STRIP2: variants seen among roughly 807,000 people sequenced by gnomAD.
STRIP2 encodes striatin-interacting protein 2.
A neutral mutation model predicts 107.1 loss-of-function variants in STRIP2; 84 were observed. That is an observed-to-expected ratio of 0.78 (90% CI 0.66 to 0.94). STRIP2 has a LOEUF of 0.94. Ranked by LOEUF, STRIP2 falls within the 40% of genes least tolerant of loss-of-function variation. The probability of loss-of-function intolerance (pLI) is 0.00; values close to 1 mark genes in which losing one functional copy is unlikely to be tolerated. For synonymous variants in STRIP2, 394 were observed against 400.4 expected (o/e 0.98, Z 0.19); for missense variants, 888 against 1,034.2 (o/e 0.86, Z 1.94).
At chr7:129,455,119 A>G (rs530931509) in intron 7 of STRIP2, 125 bp from the exon 8 acceptor site, 742 of 1,214,780 alleles carry the variant, frequency 6.1e-4, no homozygotes, top group Non-Finnish European at 7.5e-4. Flanking sequence ...TCTCAGGACC[A>G]AGTACTCTGG....
chr7:129,446,249 C>G (rs970104098), intron 3 of STRIP2, among the ~76,000 whole-genome samples: 2 of 152,202 alleles, frequency 1.3e-5, no homozygotes, highest in Non-Finnish European at 2.9e-5. Flanking sequence ...TTATTAAACT[C>G]CTTCTCTGCT....
chr7:129,437,110 G>A (rs1584929568), intron 1 of STRIP2, among the ~76,000 whole-genome samples: 1 of 152,250 alleles, frequency 6.6e-6, no homozygotes, highest in Middle Eastern at 3.4e-3. Context: ...AACTGCTATA[G>A]GGGGCAACCT....
At chr7:129,470,012 T>A (rs1260353044) in intron 17 of STRIP2, among the ~76,000 whole-genome samples, 1 of 152,252 alleles carries the variant, frequency 6.6e-6, no homozygotes, top group Admixed American at 6.5e-5. Context: ...CTTGTCATAA[T>A]GCAATGCCTT....
intron 12 of STRIP2, 146 bp downstream of exon 12, chr7:129,459,726 G>A: frequency 1.7e-6 from 1 of 590,176 alleles, no homozygotes; most frequent in Non-Finnish European, 3.0e-6. Context: ...GGCCAAATAG[G>A]AAAAATTAGG....
chr7:129,443,978 C>G (rs1797969654), intron 2 of STRIP2, 46 bp from the exon 3 acceptor site: 2 of 1,500,966 alleles, frequency 1.3e-6, no homozygotes, highest in African/African-American at 1.4e-5. Flanking sequence ...TGGGCCTCTT[C>G]TTTAAGGATC....
chr7:129,464,174 C>A, intron 15 of STRIP2, 33 bp downstream of exon 15: 1 of 1,503,594 alleles, frequency 6.7e-7, no homozygotes, highest in Non-Finnish European at 9.2e-7. Context: ...CTGCTGGATA[C>A]TAGCTGTCTT....
intron 3 of STRIP2, among the ~76,000 whole-genome samples, chr7:129,447,197 G>A (rs1250423677): frequency 6.6e-6 from 1 of 152,060 alleles, no homozygotes; most frequent in Non-Finnish European, 1.5e-5. Flanking sequence ...TCTTGTTCTG[G>A]ACCCCACTAA....
chr7:129,485,410 C>T (rs560906542), intron 20 of STRIP2, among the ~76,000 whole-genome samples, 169 bp from the exon 21 acceptor site: 2 of 142,696 alleles, frequency 1.4e-5, no homozygotes, highest in Non-Finnish European at 3.0e-5. Flanking sequence ...TTTTTTAAAC[C>T]TAAGTGTCAG....
intron 7 of STRIP2, 98 bp downstream of exon 7, chr7:129,454,625 T>G (rs1409377908): frequency 1.3e-6 from 1 of 756,120 alleles, no homozygotes; most frequent in African/African-American, 1.8e-5. Flanking sequence ...TTTTTTCTTT[T>G]GTTTTCTTTT....
intron 19 of STRIP2, among the ~76,000 whole-genome samples, chr7:129,482,101 G>A (rs1347392134): frequency 6.6e-6 from 1 of 151,922 alleles, no homozygotes; most frequent in Non-Finnish European, 1.5e-5. Context: ...GCAGTGAATC[G>A]AGACTGCACC....
intron 3 of STRIP2, among the ~76,000 whole-genome samples, chr7:129,444,741 A>G (rs528253794): frequency 7.6e-4 from 116 of 152,330 alleles, no homozygotes; most frequent in African/African-American, 2.7e-3. Context: ...TATGCCTAAC[A>G]TAATTGTACA....
intron 3 of STRIP2, among the ~76,000 whole-genome samples, chr7:129,448,116 A>G (rs139401881): frequency 0.01 from 1,541 of 152,316 alleles, 33 homozygotes; most frequent in African/African-American, 0.036. Flanking sequence ...AAGTATGTCT[A>G]TGCCAATTAT....
At chr7:129,467,505 AT>A in intron 17 of STRIP2, 55 bp downstream of exon 17, 1 of 1,297,384 alleles carries the variant, frequency 7.7e-7, no homozygotes, top group Non-Finnish European at 1.1e-6. Flanking sequence ...GGTTGAGAAA[AT>A]TACATCATCT....
At chr7:129,441,954 C>T (rs567905689) in intron 2 of STRIP2, among the ~76,000 whole-genome samples, 2 of 152,166 alleles carry the variant, frequency 1.3e-5, no homozygotes, top group Non-Finnish European at 2.9e-5. Context: ...TGGCCAGGTA[C>T]GGTAGCTCAC....
At chr7:129,440,147 G>C in intron 2 of STRIP2, 56 bp downstream of exon 2, 34 of 1,404,306 alleles carry the variant, frequency 2.4e-5, no homozygotes, top group Non-Finnish European at 3.4e-5. Flanking sequence ...GAGAGGGAAG[G>C]GGCCTGTGAT....
intron 15 of STRIP2, 84 bp downstream of exon 15, chr7:129,464,225 C>A: frequency 2.0e-6 from 2 of 1,023,072 alleles, no homozygotes; most frequent in Non-Finnish European, 3.0e-6. Flanking sequence ...CTTGTTAACA[C>A]TTACAGAGAT....
rs1562907168 is a variant in STRIP2 at position 129,461,305 on chromosome 7, C to A, written c.1476+933C>A. ...ATTGGAAATAAAGTCTAGAATTCTA[C>A]AGAGAGGGCTGACTTTGAGAAATAA... On this transcript the variant is annotated intron_variant, in intron 13 of 20. Coordinates refer to ENST00000249344, the MANE Select transcript of STRIP2 (RefSeq NM_020704.3). This position sits in a 1 kb window ranked among gnomAD's most constrained non-coding sequence, Gnocchi z 4.0. 6.6e-6 allele frequency among the ~76,000 whole-genome samples: 1 copy of A among 152,140 alleles called. No homozygotes were observed. The highest frequency in any genetic ancestry group is 2.4e-5 in the African/African-American group (1 of 41,414).
Position 129,483,326 on chromosome 7 carries a change from T to C in STRIP2, c.2254+280T>C. ...AAAACATTCTTTTAAATGACAGCTT[T>C]CTCCAAAAGATTTAAATTAAAACAA... On this transcript the variant is annotated intron_variant, in intron 20 of 20. Transcript: ENST00000249344. The surrounding 1 kb of genome is among the most constrained non-coding windows in gnomAD (Gnocchi z 5.1). The C allele has an allele frequency of 8.7e-7, 1 of 1,152,180 alleles. No individual in the cohort carries two copies. Among genetic ancestry groups the C allele is most frequent in the Non-Finnish European group, 1.1e-6 (1 of 926,324 alleles). The allele number at this position is 1,152,180 out of a possible 1,614,324, so 71.4% of individuals were successfully genotyped here. A position where few individuals can be genotyped will look rare whatever the true frequency, so the allele number is the denominator to read the frequency against.
chr7:129,456,413 C>T (rs777704383), intron 8 of STRIP2, 26 bp from the exon 9 acceptor site: 7 of 1,608,414 alleles, frequency 4.4e-6, no homozygotes, highest in Admixed American at 3.3e-5. Context: ...TCCTCTCTCT[C>T]TGCCCCTTTC....
Sources: allele counts gnomAD v4.1 joint callset (sites outside exome capture counted in the v4.1 genomes callset), GRCh38; gene constraint gnomAD v4.1.1; non-coding constraint Gnocchi (gnomAD v3.1); transcripts MANE v1.5; gene names NCBI Gene and HGNC (gene_info 2026-07-23, HGNC 2026-07-21).